Variants in VPS13D observed in about 807,000 individuals in gnomAD.
VPS13D encodes intermembrane lipid transfer protein VPS13D.
VPS13D carries 187 observed loss-of-function variants against 461.9 expected under a neutral mutation model. That is an observed-to-expected ratio of 0.40 (90% confidence interval 0.36 to 0.46). The LOEUF (loss-of-function observed/expected upper bound fraction) is 0.46, where lower values mean the gene tolerates loss of function less well. Among genes scored for constraint, VPS13D ranks in the 20% least tolerant of loss-of-function variants. The pLI, the probability that VPS13D is intolerant of heterozygous loss-of-function variation, is 0.60. For missense variants in VPS13D, 4,711 were observed against 5,364.9 expected (o/e 0.88, Z 3.81); for synonymous variants, 1,951 against 1,986.3 (o/e 0.98, Z 0.47).
chr1:12,469,992 G>T (rs1038451219), intron 67 of VPS13D, among the ~76,000 whole-genome samples: 5 of 152,180 alleles, frequency 3.3e-5, no homozygotes, highest in Non-Finnish European at 7.3e-5. Flanking sequence ...CAAAGTTGCT[G>T]GAGTAGGATA....
rs779146849 is a variant in VPS13D at position 12,311,514 on chromosome 1, C to T, written c.6711C>T (p.Cys2237=). The T allele has an allele frequency of 1.2e-6, 2 of 1,614,170 alleles. No homozygotes were observed. Among genetic ancestry groups the T allele is most frequent in the East Asian group, 2.2e-5 (1 of 44,882 alleles). The change falls in exon 28 of 70, where the codon TGC becomes TGT. Residue 2237 remains cysteine, a synonymous_variant. Transcript: ENST00000620676. ...ATGGCAATCTCTCCTCAGTCCACTG[C>T]TCTCTGGATCTGTATAAATACAAGC... The part of the protein sequence containing the change: ...SIHGNLSSVH[C]SLDLYKYKLI...
chr1:12,401,598 TTATCTC>T lies in VPS13D; in HGVS notation c.11785-7_11785-2del. The stretch of plus-strand genomic sequence containing the variant: ...GTTCACACTTTAAATCAGAATTTCT[TTATCTC>T]TAGCATCTGATGATCACAGCTCAGA... On this transcript the variant is annotated splice_polypyrimidine_tract_variant and splice_region_variant and intron_variant, in intron 61 of 69. Coordinates refer to ENST00000620676, the MANE Select transcript of VPS13D (RefSeq NM_015378.4). The T allele has an allele frequency of 6.2e-7, 1 of 1,601,826 alleles. No homozygotes were observed. The highest frequency in any genetic ancestry group is 8.5e-7 in the Non-Finnish European group (1 of 1,169,912).
intron 2 of VPS13D, among the ~76,000 whole-genome samples, chr1:12,236,931 G>A (rs1640167055): frequency 6.6e-6 from 1 of 151,976 alleles, no homozygotes; most frequent in Non-Finnish European, 1.5e-5. Flanking sequence ...ATTAATGTGG[G>A]TCAGAGAGCT....
At chr1:12,262,521 C>T (rs890655272) in intron 13 of VPS13D, among the ~76,000 whole-genome samples, 1 of 152,114 alleles carries the variant, frequency 6.6e-6, no homozygotes, top group African/African-American at 2.4e-5. Context: ...AGCCACAGCT[C>T]CCAGTCAGCC....
At chr1:12,474,470 G>T (rs1645603860) in intron 67 of VPS13D, among the ~76,000 whole-genome samples, 1 of 151,652 alleles carries the variant, frequency 6.6e-6, no homozygotes, top group African/African-American at 2.4e-5. Context: ...TATTATGTAG[G>T]TCGGGGTCCC....
chr1:12,277,692 T>C lies in VPS13D; in HGVS notation c.4104T>C (p.Ser1368=), dbSNP rs1043479451. The change falls in exon 19 of 70, where the codon TCT becomes TCC. Residue 1368 remains serine, a synonymous_variant. Transcript: ENST00000620676. ...NEIYGFDLAS[S]HLDTVKLILN... is the part of the protein sequence containing the mutation. ...TATATGGGTTTGACCTAGCTTCGTC[T>C]CATTTGGACACTGTAAAGCTAATCT... 6.2e-7 allele frequency: 1 copy of C among 1,614,232 alleles called. No homozygotes were observed. The highest frequency in any genetic ancestry group is 8.5e-7 in the Non-Finnish European group (1 of 1,180,036).
At position 12,506,971 on chromosome 1, in the gene VPS13D, G is replaced by A. The variant is rs1338428626; in HGVS notation, c.12913G>A (p.Asp4305Asn). 15 of 1,614,138 alleles carry A rather than the reference G, an allele frequency of 9.3e-6. No individual in the cohort carries two copies. The highest frequency in any genetic ancestry group is 2.7e-5 in the African/African-American group (2 of 74,946). The change falls in exon 69 of 70, where the codon GAT (aspartate) becomes AAT (asparagine). Residue 4305 changes from aspartate to asparagine, a missense_variant. Asp to Asn is a conservative substitution (Grantham distance 23). Transcript: ENST00000620676. ...AGCCATTTTCCTAGAAGTCAAATAC[G>A]ATGACCTCTACCACTGCCTTGTCTC... ...REAIFLEVKYDDLYHCLVSKD... is the reference protein window; with the variant it reads ...REAIFLEVKYNDLYHCLVSKD...
intron 35 of VPS13D, among the ~76,000 whole-genome samples, chr1:12,325,514 T>A (rs577027923): frequency 6.6e-6 from 1 of 152,294 alleles, no homozygotes; most frequent in African/African-American, 2.4e-5. Context: ...TGCCTTGGCC[T>A]CCCAAAGTGC....
intron 60 of VPS13D, 90 bp downstream of exon 60, chr1:12,386,424 T>C (rs1002333598): frequency 1.2e-4 from 171 of 1,391,422 alleles, no homozygotes; most frequent in Admixed American, 3.8e-4. Context: ...AGAACTTTAA[T>C]GTTTTGGAGG....
At chr1:12,230,765 C>T (rs1424895959) in intron 1 of VPS13D, among the ~76,000 whole-genome samples, 2 of 151,804 alleles carry the variant, frequency 1.3e-5, no homozygotes, top group Non-Finnish European at 2.9e-5. Context: ...GGCCTAAAAC[C>T]TCTCTTTACC....
chr1:12,314,193 C>T lies in VPS13D; in HGVS notation c.7014C>T (p.Ser2338=). The part of the protein sequence containing the change: ...QTKSINLVSH[S]MMAFDTRYAG... ...AGTCCATTAACTTGGTTTCCCATTC[C>T]ATGATGGCTTTTGACACCCGTTATG... Residue 2338 remains serine (S), a synonymous_variant, in exon 30 of 70, where the codon TCC becomes TCT. Transcript: ENST00000620676. The T allele has an allele frequency of 6.2e-7, 1 of 1,614,138 alleles. No individual in the cohort carries two copies. The highest frequency in any genetic ancestry group is 8.5e-7 in the Non-Finnish European group (1 of 1,180,014).
chr1:12,408,444 G>T (rs1307768472), intron 63 of VPS13D, among the ~76,000 whole-genome samples: 1 of 152,108 alleles, frequency 6.6e-6, no homozygotes, highest in Non-Finnish European at 1.5e-5. Flanking sequence ...GCTTACTGCA[G>T]CCTCAACCTC....
rs766057942 is a variant in VPS13D at position 12,267,948 on chromosome 1, A to C, written c.1801+28A>C. ...AATTTGTCCTATGTTGTTTTTTTAA[A>C]ATTTTTAAATTTTTTAAATTAATTT... On this transcript the variant is annotated intron_variant, in intron 15 of 69. Transcript: ENST00000620676. 3.2e-6 allele frequency: 5 copies of C among 1,560,992 alleles called. No individual in the cohort carries two copies. In the African/African-American group the frequency reaches 5.6e-5, roughly 17 times the overall value.
intron 29 of VPS13D, 118 bp from the exon 30 acceptor site, chr1:12,313,997 T>A: frequency 1.2e-6 from 1 of 808,008 alleles, no homozygotes. Flanking sequence ...ATGAAAGTTA[T>A]TCTCCTTATG....
At chr1:12,480,361 A>G (rs906644316) in intron 67 of VPS13D, among the ~76,000 whole-genome samples, 5 of 152,222 alleles carry the variant, frequency 3.3e-5, no homozygotes, top group Non-Finnish European at 7.3e-5. Flanking sequence ...TTTGGAGGCC[A>G]GGGAGAGCTT....
At chr1:12,310,355 C>T (rs2101492966) in intron 27 of VPS13D, among the ~76,000 whole-genome samples, 1 of 152,268 alleles carries the variant, frequency 6.6e-6, no homozygotes, top group Admixed American at 6.5e-5. Flanking sequence ...AATAACTTTT[C>T]TTATATACCT....
intron 19 of VPS13D, among the ~76,000 whole-genome samples, chr1:12,278,616 G>A (rs1181414830): frequency 1.3e-5 from 2 of 152,154 alleles, no homozygotes; most frequent in African/African-American, 4.8e-5. Flanking sequence ...GAAACTGTAT[G>A]AGTGCTCATT....
chr1:12,456,223 G>A (rs1645324633), intron 66 of VPS13D, 93 bp downstream of exon 66: 2 of 1,481,986 alleles, frequency 1.3e-6, no homozygotes, highest in African/African-American at 2.8e-5. Flanking sequence ...AGAAAGGTGG[G>A]CTGGGCGCGG....
At position 12,475,490 on chromosome 1, in the gene VPS13D, G is replaced by A. The variant is rs191276500; in HGVS notation, c.12662+15094G>A. On this transcript the variant is annotated intron_variant, in intron 67 of 69. Transcript: ENST00000620676. ...GCCCATGCAGAATATATGGCAGCCC[G>A]ATAATGGATTCTAAAAATAAAAAAG... 3.5e-4 allele frequency among the ~76,000 whole-genome samples: 53 copies of A among 152,342 alleles called. 1 individual carries two copies. In the East Asian group the frequency reaches 8.9e-3, roughly 26 times the overall value.
Sources: allele counts gnomAD v4.1 joint callset (sites outside exome capture counted in the v4.1 genomes callset), GRCh38; gene constraint gnomAD v4.1.1; transcripts MANE v1.5; gene names NCBI Gene and HGNC (gene_info 2026-07-23, HGNC 2026-07-21).